The following RAD52 variants were observed in gnomAD, a reference collection of about 807,000 sequenced individuals.
The protein encoded by RAD52 is DNA repair protein RAD52 homolog.
In RAD52, 47 loss-of-function variants were observed where a neutral mutation model predicts 55.5. That is an observed-to-expected ratio of 0.85 (90% confidence interval 0.67 to 1.08). The LOEUF is 1.08. Among genes scored for constraint, RAD52 ranks in the 50% least tolerant of loss-of-function variants. RAD52 has a pLI of 0.00. For missense variants in RAD52, 468 were observed against 522.8 expected, an observed-to-expected ratio of 0.90 and a Z score of 1.02; for synonymous variants, 184 against 198.9, an observed-to-expected ratio of 0.92 and a Z score of 0.63.
At chr12:946,982 C>G (rs756408175) in intron 1 of RAD52, among the ~76,000 whole-genome samples, 2 of 152,180 alleles carry the variant, frequency 1.3e-5, no homozygotes, top group Non-Finnish European at 2.9e-5. Flanking sequence ...CTGCTTGATA[C>G]CACGATAATT....
chr12:972,098 C>A (rs975049321), intron 1 of RAD52, among the ~76,000 whole-genome samples: 25 of 152,110 alleles, frequency 1.6e-4, no homozygotes, highest in African/African-American at 6.0e-4. Flanking sequence ...AAGCACAAAT[C>A]TTGAGGCAAC....
chr12:934,354 T>TCGG (rs1957498912), intron 1 of RAD52, among the ~76,000 whole-genome samples: 2 of 150,930 alleles, frequency 1.3e-5, no homozygotes, highest in Non-Finnish European at 2.9e-5. Context: ...TTCCAGCTAC[T>TCGG]TGGGAGGCTG....
At chr12:946,543 T>A (rs552549032) in intron 1 of RAD52, among the ~76,000 whole-genome samples, 68 of 152,338 alleles carry the variant, frequency 4.5e-4, no homozygotes, top group African/African-American at 1.6e-3. Flanking sequence ...ACAAAAGTGA[T>A]GCCTGAACAA....
At chr12:934,945 T>C (rs1233104954) in intron 1 of RAD52, among the ~76,000 whole-genome samples, 3 of 152,172 alleles carry the variant, frequency 2.0e-5, no homozygotes, top group Non-Finnish European at 4.4e-5. Context: ...AAACCCCATC[T>C]GTACTAAAAA....
chr12:940,054 G>A (rs2154117266), intron 1 of RAD52, among the ~76,000 whole-genome samples: 1 of 151,272 alleles, frequency 6.6e-6, no homozygotes, highest in Non-Finnish European at 1.5e-5. Flanking sequence ...CAGCCTGGGT[G>A]ACAGAATGAG....
intron 7 of RAD52, among the ~76,000 whole-genome samples, chr12:918,561 AATTTTTATTTTT>A (rs573740050): frequency 6.6e-6 from 1 of 151,846 alleles, no homozygotes; most frequent in East Asian, 1.9e-4. Flanking sequence ...AGGCCCAGCT[AATTTTTATTTTT>A]ATTTTTATTT....
Position 977,980 on chromosome 12 carries a change from T to C in RAD52, c.-19+11829A>G, listed in dbSNP as rs114314092. 7.4e-3 allele frequency among the ~76,000 whole-genome samples: 1,128 copies of C among 152,328 alleles called. 22 individuals carry two copies. The highest frequency in any genetic ancestry group is 0.026 in the African/African-American group (1,089 of 41,566). On this transcript the variant is annotated intron_variant, in intron 1 of 11. Transcript: ENST00000430095. Reference sequence around the variant, plus strand: ...TTGAAATGATCAAGTTGAGTGAATATGGGCAGAACACTGACAACATTTGCT... The same window carrying C: ...TTGAAATGATCAAGTTGAGTGAATACGGGCAGAACACTGACAACATTTGCT...
intron 2 of RAD52, among the ~76,000 whole-genome samples, chr12:931,867 A>G (rs866505519): frequency 2.6e-5 from 4 of 152,282 alleles, no homozygotes; most frequent in Middle Eastern, 3.4e-3. Context: ...ACAATTTCCC[A>G]TCCTGCACAA....
chr12:912,303 T>C lies in RAD52; in HGVS notation c.*1088A>G. On this transcript the variant is annotated 3_prime_UTR_variant, in exon 12 of 12. Coordinates refer to ENST00000358495, the MANE Select transcript of RAD52 (RefSeq NM_134424.4). ...CATACAACAGTTTATGCAGCGACCCTAAGAGAAAAAAAAACCCAGCCCTCT... is the reference window on the plus strand; with the variant it reads ...CATACAACAGTTTATGCAGCGACCCCAAGAGAAAAAAAAACCCAGCCCTCT... 1 of 198,622 alleles carries C rather than the reference T, an allele frequency of 5.0e-6. No homozygotes were observed. Among genetic ancestry groups the C allele is most frequent in the African/African-American group, 2.3e-5 (1 of 43,282 alleles). The allele number at this position is 198,622 out of a possible 1,614,324, so 12.3% of individuals were successfully genotyped here. A position where few individuals can be genotyped will look rare whatever the true frequency, so the allele number is the denominator to read the frequency against.
intron 1 of RAD52, among the ~76,000 whole-genome samples, chr12:979,080 ATAGATT>A (rs1958975008): frequency 6.6e-6 from 1 of 152,158 alleles, no homozygotes; most frequent in Admixed American, 6.5e-5. Context: ...CCCCAAATTT[ATAGATT>A]TTAGCCCTAA....
chr12:969,791 TA>T lies in RAD52; in HGVS notation c.-19+20017del, dbSNP rs74508860. 8.5e-3 allele frequency among the ~76,000 whole-genome samples: 1,180 copies of T among 138,322 alleles called. 13 individuals carry two copies. Among genetic ancestry groups the T allele is most frequent in the African/African-American group, 0.019 (732 of 37,604 alleles). 90.7% of individuals were successfully genotyped at this position (138,322 alleles called of 152,430 possible). A position where few individuals can be genotyped will look rare whatever the true frequency, so the allele number is the denominator to read the frequency against. Reference sequence around the variant, plus strand: ...GGTGACAGAGCAAGACCCTGACTCTTAAAAAAAAAAAAAGATTTTAGTATGT... The same window carrying T: ...GGTGACAGAGCAAGACCCTGACTCTTAAAAAAAAAAAAGATTTTAGTATGT... On this transcript the variant is annotated intron_variant, in intron 1 of 11. Transcript: ENST00000430095.
rs527947845 is a variant in RAD52 at position 943,780 on chromosome 12, T to G, written c.-19+5822A>C. On this transcript the variant is annotated intron_variant, in intron 1 of 11. Coordinates refer to ENST00000358495, the MANE Select transcript of RAD52 (RefSeq NM_134424.4). ...ATCATATTTATCTTTGTGTGTGTGGTTTTTTTTTTGGGTTTTTTTTGCTTT... is the reference window on the plus strand; with the variant it reads ...ATCATATTTATCTTTGTGTGTGTGGGTTTTTTTTTGGGTTTTTTTTGCTTT... Among the ~76,000 whole-genome samples the G allele has an allele frequency of 2.6e-4, 35 of 137,118 alleles. 1 individual carries two copies. Among genetic ancestry groups the G allele is most frequent in the African/African-American group, 8.4e-4 (31 of 36,832 alleles). The allele number at this position is 137,118 out of a possible 152,430, so 90.0% of individuals were successfully genotyped here. A position where few individuals can be genotyped will look rare whatever the true frequency, so the allele number is the denominator to read the frequency against.
intron 9 of RAD52, among the ~76,000 whole-genome samples, chr12:916,050 C>T (rs373241399): frequency 4.0e-5 from 6 of 151,528 alleles, no homozygotes; most frequent in African/African-American, 9.7e-5. Context: ...CCAAAGCATT[C>T]GAAGCAAAAA....
chr12:958,105 A>T (rs80355987), intron 1 of RAD52, among the ~76,000 whole-genome samples: 4,160 of 152,334 alleles, frequency 0.027, 104 homozygotes, highest in Non-Finnish European at 0.042. Flanking sequence ...TGGGAGGAAC[A>T]TGGGGCTCCT....
intron 3 of RAD52, among the ~76,000 whole-genome samples, chr12:930,971 T>TAA (rs1380964001): frequency 5.4e-4 from 60 of 111,756 alleles, no homozygotes; most frequent in East Asian, 8.5e-4. Context: ...ACCCTGTCTT[T>TAA]AAAAATAAAA....
intron 7 of RAD52, among the ~76,000 whole-genome samples, chr12:924,829 A>G (rs767514690): frequency 4.9e-4 from 75 of 152,322 alleles, no homozygotes; most frequent in South Asian, 3.3e-3. Flanking sequence ...TGGGAAGGAC[A>G]GTGGTGCTGC....
intron 1 of RAD52, among the ~76,000 whole-genome samples, chr12:939,052 T>TTTG (rs371663718): frequency 7.1e-6 from 1 of 141,050 alleles, no homozygotes; most frequent in Admixed American, 7.3e-5. Context: ...ATTCAACTAA[T>TTTG]TGTGTGTGTG....
chr12:961,309 C>CAAAAAAAAAAAAAAA lies in RAD52; in HGVS notation c.-18-28248_-18-28234dup, dbSNP rs60547688. On this transcript the variant is annotated intron_variant, in intron 1 of 11. Coordinates refer to the RAD52 transcript ENST00000430095. ...TGGGTGACAGAGTGAGACTCCATCT[C>CAAAAAAAAAAAAAAA]AAAAAAAAAAAAAAAAAAAAAAAGG... Among the ~76,000 whole-genome samples, 10 of 33,808 alleles carry CAAAAAAAAAAAAAAA rather than the reference C, an allele frequency of 3.0e-4. 1 individual carries two copies. Among genetic ancestry groups the CAAAAAAAAAAAAAAA allele is most frequent in the Non-Finnish European group, 4.5e-4 (8 of 17,696 alleles). The allele number at this position is 33,808 out of a possible 152,430, so 22.2% of individuals were successfully genotyped here. A position where few individuals can be genotyped will look rare whatever the true frequency, so the allele number is the denominator to read the frequency against.
At chr12:991,120 G>A (rs1219528013), upstream of RAD52, 8 of 151,520 alleles carry the variant, frequency 5.3e-5, no homozygotes, top group Admixed American at 2.6e-4. Flanking sequence ...CTGAGGGAAA[G>A]GGAGGCAGCC....
Sources: gnomAD v4.1 joint callset for allele counts (sites outside exome capture counted in the v4.1 genomes callset) on GRCh38, gnomAD v4.1.1 for gene constraint, MANE v1.5 for transcripts, NCBI Gene and HGNC (gene_info 2026-07-23, HGNC 2026-07-21) for gene names.